Variants in CDH18 observed in about 807,000 individuals in gnomAD.
The protein encoded by CDH18 is cadherin 18.
In CDH18, 31 loss-of-function variants were observed where a neutral mutation model predicts 67.9. The ratio of observed to expected loss-of-function variants is 0.46; its 90% CI spans 0.34 to 0.62. The LOEUF is 0.62. Among genes scored for constraint, CDH18 ranks in the 20% least tolerant of loss-of-function variants. The pLI, the probability that CDH18 is intolerant of heterozygous loss-of-function variation, is 0.01. For missense variants in CDH18, 890 were observed against 975.5 expected, an observed-to-expected ratio of 0.91 and a Z score of 1.17; for synonymous variants, 362 against 347.2, an observed-to-expected ratio of 1.04 and a Z score of -0.48.
intron 10 of CDH18, among the ~76,000 whole-genome samples, chr5:19,510,213 G>A (rs527891219): frequency 5.0e-4 from 76 of 152,168 alleles, no homozygotes; most frequent in African/African-American, 1.8e-3. Context: ...GGATGCATCG[G>A]ATTTCTTCAA....
intron 4 of CDH18, among the ~76,000 whole-genome samples, chr5:19,726,786 G>A (rs186643027): frequency 6.6e-6 from 1 of 152,236 alleles, no homozygotes; most frequent in East Asian, 1.9e-4. Flanking sequence ...ATGCTCATAT[G>A]CCCCTCAAAT....
chr5:19,997,159 T>G (rs539012326), intron 2 of CDH18, among the ~76,000 whole-genome samples: 32 of 152,082 alleles, frequency 2.1e-4, no homozygotes, highest in African/African-American at 7.5e-4. Context: ...TAAAGACACC[T>G]AAAATAGAAA....
intron 2 of CDH18, among the ~76,000 whole-genome samples, chr5:19,872,664 A>C (rs1230431659): frequency 6.6e-6 from 1 of 152,210 alleles, no homozygotes; most frequent in African/African-American, 2.4e-5. Context: ...TGGCAACTTG[A>C]TTGAAGCCTT....
chr5:20,301,216 T>C (rs1735869218), intron 1 of CDH18, among the ~76,000 whole-genome samples: 1 of 152,212 alleles, frequency 6.6e-6, no homozygotes, highest in African/African-American at 2.4e-5. Flanking sequence ...TTACTTTTCA[T>C]TTATTCACAT....
chr5:19,693,296 A>G (rs1762136951), intron 5 of CDH18, among the ~76,000 whole-genome samples: 1 of 152,200 alleles, frequency 6.6e-6, no homozygotes, highest in African/African-American at 2.4e-5. Flanking sequence ...AATAAAATAT[A>G]GTCCATAATT....
chr5:19,726,012 A>G (rs1766796413), intron 4 of CDH18, among the ~76,000 whole-genome samples: 3 of 152,192 alleles, frequency 2.0e-5, no homozygotes, highest in Admixed American at 2.0e-4. Flanking sequence ...CATTTCATGG[A>G]AAAAGCTCAG....
chr5:19,515,211 G>C (rs1487393503), intron 10 of CDH18, among the ~76,000 whole-genome samples: 1 of 152,140 alleles, frequency 6.6e-6, no homozygotes, highest in Non-Finnish European at 1.5e-5. Flanking sequence ...CTATATCTCT[G>C]TTTTGGTACC....
At chr5:20,195,591 A>G (rs1738910752) in intron 2 of CDH18, among the ~76,000 whole-genome samples, 1 of 152,116 alleles carries the variant, frequency 6.6e-6, no homozygotes, top group Non-Finnish European at 1.5e-5. Flanking sequence ...GATTGAATAT[A>G]TCAAAATACT....
At chr5:20,013,904 T>C (rs1737668654) in intron 2 of CDH18, among the ~76,000 whole-genome samples, 1 of 152,136 alleles carries the variant, frequency 6.6e-6, no homozygotes, top group Non-Finnish European at 1.5e-5. Flanking sequence ...CCAAATGCTG[T>C]TAACAGCAAG....
intron 1 of CDH18, among the ~76,000 whole-genome samples, chr5:20,485,541 T>C (rs1753109120): frequency 6.6e-6 from 1 of 152,208 alleles, no homozygotes; most frequent in African/African-American, 2.4e-5. Flanking sequence ...TATATGGCTG[T>C]GCAGAAAAGA....
intron 1 of CDH18, among the ~76,000 whole-genome samples, chr5:20,294,056 G>T (rs1343907729): frequency 6.6e-6 from 1 of 152,066 alleles, no homozygotes; most frequent in African/African-American, 2.4e-5. Flanking sequence ...TAATAGAATG[G>T]ATGATTTATA....
chr5:20,075,142 C>A (rs1380106188), intron 2 of CDH18, among the ~76,000 whole-genome samples: 1 of 152,124 alleles, frequency 6.6e-6, no homozygotes, highest in Non-Finnish European at 1.5e-5. Flanking sequence ...ACCAAGAAGA[C>A]TTATATGTAA....
At chr5:20,511,273 A>G (rs2126485085) in intron 1 of CDH18, among the ~76,000 whole-genome samples, 1 of 152,332 alleles carries the variant, frequency 6.6e-6, no homozygotes, top group East Asian at 1.9e-4. Context: ...AAAAGTATAG[A>G]AAGTACTAAG....
At chr5:19,554,244 T>A (rs551960900) in intron 8 of CDH18, among the ~76,000 whole-genome samples, 1 of 152,346 alleles carries the variant, frequency 6.6e-6, no homozygotes, top group South Asian at 2.1e-4. Flanking sequence ...GCAATTATAA[T>A]GTTTCTTCCT....
chr5:20,237,039 A>G (rs1742526048), intron 2 of CDH18, among the ~76,000 whole-genome samples: 1 of 152,000 alleles, frequency 6.6e-6, no homozygotes, highest in Non-Finnish European at 1.5e-5. Flanking sequence ...ACAGAAAAAA[A>G]TCAATCAAAA....
chr5:19,770,606 C>T (rs926236323), intron 3 of CDH18, among the ~76,000 whole-genome samples: 14 of 118,228 alleles, frequency 1.2e-4, no homozygotes, highest in Admixed American at 4.2e-4. Flanking sequence ...CCAAACTTTC[C>T]ATGCCAAAAA....
intron 1 of CDH18, among the ~76,000 whole-genome samples, chr5:20,490,169 C>A (rs981311550): frequency 6.6e-6 from 1 of 151,804 alleles, no homozygotes; most frequent in African/African-American, 2.4e-5. Flanking sequence ...TAAATAATAG[C>A]TTGTACTCCC....
chr5:19,955,493 G>GT (rs1796176122), intron 2 of CDH18, among the ~76,000 whole-genome samples: 1 of 151,872 alleles, frequency 6.6e-6, no homozygotes, highest in Non-Finnish European at 1.5e-5. Context: ...TGAATTTATT[G>GT]TAGCATGTAC....
chr5:20,016,687 T>C, intron 2 of CDH18, among the ~76,000 whole-genome samples: 1 of 152,174 alleles, frequency 6.6e-6, no homozygotes, highest in East Asian at 1.9e-4. Context: ...CAATATTTAG[T>C]GAACAATGCA....
Sources: allele counts gnomAD v4.1 joint callset (sites outside exome capture counted in the v4.1 genomes callset), GRCh38; gene constraint gnomAD v4.1.1; transcripts MANE v1.5; gene names NCBI Gene and HGNC (gene_info 2026-07-23, HGNC 2026-07-21).